The following FHIP2A variants were observed in gnomAD, a reference collection of about 807,000 sequenced individuals.
FHIP2A encodes family with sequence similarity 160 member B1.
In FHIP2A, 46 loss-of-function variants were observed where a neutral mutation model predicts 93.5. The observed-to-expected ratio is 0.49, with a 90% CI of 0.39 to 0.63. The LOEUF (loss-of-function observed/expected upper bound fraction) is 0.63. Among genes scored for constraint, FHIP2A ranks in the 20% least tolerant of loss-of-function variants. The pLI is 0.00. For synonymous variants in FHIP2A, 332 were observed against 326.5 expected, an observed-to-expected ratio of 1.02 and a Z score of -0.18; for missense variants, 769 against 909.7, an observed-to-expected ratio of 0.85 and a Z score of 1.99.
chr10:114,853,813 A>G (rs1248836622), intron 13 of FHIP2A, among the ~76,000 whole-genome samples: 3 of 152,158 alleles, frequency 2.0e-5, no homozygotes, highest in African/African-American at 7.2e-5. Context: ...AGCCTGGCCA[A>G]CATGGTGAAA....
chr10:114,841,172 G>A (rs2083666323), intron 5 of FHIP2A, among the ~76,000 whole-genome samples: 1 of 151,968 alleles, frequency 6.6e-6, no homozygotes, highest in Admixed American at 6.6e-5. Flanking sequence ...GAAGGACAGA[G>A]TGCTATACTA....
rs145008625 is a variant in FHIP2A, at chr10:114,844,104, T to C, written c.1013+167T>C. On this transcript the variant is annotated intron_variant, in intron 7 of 16. Transcript: ENST00000369248. The stretch of plus-strand genomic sequence containing the variant: ...GCTTGTATTAATCAGTGGTAATGAA[T>C]TGGTGTGGGAACAATCCAGCTGTTA... 5.8e-3 allele frequency among the ~76,000 whole-genome samples: 891 copies of C among 152,348 alleles called. 5 individuals carry two copies. Among genetic ancestry groups the C allele is most frequent in the African/African-American group, 0.02 (848 of 41,588 alleles).
chr10:114,825,735 C>T (rs778814474), intron 1 of FHIP2A, among the ~76,000 whole-genome samples: 1 of 152,212 alleles, frequency 6.6e-6, no homozygotes, highest in Admixed American at 6.5e-5. Context: ...TGTTTTAACA[C>T]AACTTCTTCA....
At chr10:114,837,857 A>G (rs1230050487) in intron 5 of FHIP2A, among the ~76,000 whole-genome samples, 1 of 152,082 alleles carries the variant, frequency 6.6e-6, no homozygotes, top group African/African-American at 2.4e-5. Flanking sequence ...TTGTTCCTTT[A>G]TGTTGTTGAG....
In FHIP2A at chr10:114,855,331, T is replaced by C; in HGVS notation, c.1938T>C (p.Ile646=). ...TGCTGTTCGACAGAATGGGAAGAAT[T>C]CTTGATCAGGTAATACATTTTAAAA... ...LKVLFDRMGR[I]LDQPYDVNLQ... The change falls in exon 14 of 17, where the codon ATT becomes ATC. Residue 646 remains isoleucine, a synonymous_variant. Transcript: ENST00000369248. 1 of 1,613,650 alleles carries C rather than the reference T, an allele frequency of 6.2e-7. No homozygotes were observed. The highest frequency in any genetic ancestry group is 2.2e-5 in the East Asian group (1 of 44,866).
intron 16 of FHIP2A, among the ~76,000 whole-genome samples, chr10:114,898,079 G>A (rs1486396225): frequency 6.6e-6 from 1 of 152,196 alleles, no homozygotes; most frequent in Non-Finnish European, 1.5e-5. Context: ...GAGTTCAAAT[G>A]TTTGTAAAAG....
At position 114,863,271 on chromosome 10, in the gene FHIP2A, C is replaced by A. The variant is rs1046791765; in HGVS notation, c.*1731C>A. 4.3e-5 allele frequency: 42 copies of A among 983,650 alleles called. No homozygotes were observed. Among genetic ancestry groups the A allele is most frequent in the Non-Finnish European group, 4.9e-5 (41 of 828,562 alleles). The allele number at this position is 983,650 out of a possible 1,614,324, so 60.9% of individuals were successfully genotyped here. On this transcript the variant is annotated 3_prime_UTR_variant, in exon 17 of 17. Transcript: ENST00000369248. The stretch of plus-strand genomic sequence containing the variant: ...GCTGTATTTTTTTAATCACTTCATA[C>A]AAGGAAAACTTCGACATTTACATTT...
At chr10:114,847,915 C>T (rs1268789343) in intron 12 of FHIP2A, among the ~76,000 whole-genome samples, 1 of 152,058 alleles carries the variant, frequency 6.6e-6, no homozygotes, top group Non-Finnish European at 1.5e-5. Context: ...GACTTGACCT[C>T]CCAGAGTGCT....
chr10:114,862,128 A>C lies in FHIP2A; in HGVS notation c.*588A>C, dbSNP rs75831985. ...TTTCTTCAGCTTTTTTAAGAATAAC[A>C]ATTTAATATGATAAATTCTTGATTA... On this transcript the variant is annotated 3_prime_UTR_variant, in exon 17 of 17. Transcript: ENST00000369248. 818 of 917,544 alleles carry C rather than the reference A, an allele frequency of 8.9e-4. 21 individuals carry two copies. In the East Asian group the frequency reaches 0.064, roughly 72 times the overall value. 56.8% of individuals were successfully genotyped at this position (917,544 alleles called of 1,614,324 possible). A position where few individuals can be genotyped will look rare whatever the true frequency, so the allele number is the denominator to read the frequency against.
intron 1 of FHIP2A, among the ~76,000 whole-genome samples, chr10:114,830,155 G>GT (rs2083599528): frequency 6.6e-6 from 1 of 151,074 alleles, no homozygotes; most frequent in African/African-American, 2.4e-5. Flanking sequence ...GCTTTTTACT[G>GT]TTTTGCATTT....
chr10:114,863,520 A>T lies in FHIP2A; in HGVS notation c.*1980A>T. 8.5e-7 allele frequency: 1 copy of T among 1,175,824 alleles called. No homozygotes were observed. Among genetic ancestry groups the T allele is most frequent in the African/African-American group, 1.6e-5 (1 of 61,744 alleles). The allele number at this position is 1,175,824 out of a possible 1,614,324, so 72.8% of individuals were successfully genotyped here. ...TTAACTCTTATATTTGTGTATATGT[A>T]TGCTGCTTCTGAAAATATAATTTTT... On this transcript the variant is annotated 3_prime_UTR_variant, in exon 17 of 17. Transcript: ENST00000369248.
At chr10:114,838,620 T>G (rs1037645490) in intron 5 of FHIP2A, among the ~76,000 whole-genome samples, 2 of 152,186 alleles carry the variant, frequency 1.3e-5, no homozygotes, top group Non-Finnish European at 2.9e-5. Flanking sequence ...TTGGAATGCA[T>G]GTATTTTTTT....
intron 16 of FHIP2A, chr10:114,899,361 T>C (rs2143016915): frequency 1.7e-6 from 1 of 594,522 alleles, no homozygotes; most frequent in East Asian, 2.8e-5. Flanking sequence ...CAAAATAATA[T>C]GTATTGGTTT....
intron 16 of FHIP2A, among the ~76,000 whole-genome samples, chr10:114,880,012 C>T (rs1215008421): frequency 3.9e-5 from 6 of 152,166 alleles, no homozygotes; most frequent in African/African-American, 7.2e-5. Context: ...GGGTGACATC[C>T]GGCATTCAGT....
intron 12 of FHIP2A, among the ~76,000 whole-genome samples, chr10:114,847,541 G>A (rs988402299): frequency 9.2e-5 from 14 of 152,074 alleles, no homozygotes; most frequent in East Asian, 1.9e-4. Context: ...GGCCCGCCTC[G>A]GCCTCCCAAA....
intron 1 of FHIP2A, among the ~76,000 whole-genome samples, chr10:114,825,323 G>A (rs2083566883): frequency 6.6e-6 from 1 of 152,122 alleles, no homozygotes; most frequent in Non-Finnish European, 1.5e-5. Context: ...CATCATACCT[G>A]GCCCAAATAG....
chr10:114,871,080 AAT>A (rs934227537), intron 16 of FHIP2A, among the ~76,000 whole-genome samples: 23 of 149,022 alleles, frequency 1.5e-4, no homozygotes, highest in Admixed American at 2.0e-4. Flanking sequence ...TGTATGTACA[AAT>A]ATATGTTTTT....
chr10:114,837,288 G>A (rs2083641733), intron 5 of FHIP2A, among the ~76,000 whole-genome samples: 1 of 152,180 alleles, frequency 6.6e-6, no homozygotes, highest in African/African-American at 2.4e-5. Flanking sequence ...GCTGGTGCAG[G>A]TGGATCAGTT....
chr10:114,871,828 T>G (rs2083861595), intron 16 of FHIP2A, among the ~76,000 whole-genome samples: 1 of 152,174 alleles, frequency 6.6e-6, no homozygotes, highest in South Asian at 2.1e-4. Flanking sequence ...AATTTTGCAT[T>G]CCTATCTCCC....
Sources: gnomAD v4.1 joint callset for allele counts (sites outside exome capture counted in the v4.1 genomes callset) on GRCh38, gnomAD v4.1.1 for gene constraint, MANE v1.5 for transcripts, NCBI Gene and HGNC (gene_info 2026-07-23, HGNC 2026-07-21) for gene names.